Variants in MLLT1 observed in about 807,000 individuals in gnomAD.
MLLT1 encodes protein ENL.
MLLT1 carries 11 observed loss-of-function variants against 55.1 expected under a neutral mutation model. The ratio of observed to expected loss-of-function variants is 0.20; its 90% CI spans 0.13 to 0.33. The LOEUF (loss-of-function observed/expected upper bound fraction) is 0.33, where lower values mean the gene tolerates loss of function less well. MLLT1 is among the 10% of genes least tolerant of loss of function. The probability of loss-of-function intolerance (pLI) is 1.00; values close to 1 mark genes in which losing one functional copy is unlikely to be tolerated. For missense variants in MLLT1, 536 were observed against 760.6 expected (o/e 0.70, Z 3.47); for synonymous variants, 323 against 320.1 (o/e 1.01, Z -0.10).
Position 6,226,951 on chromosome 19 carries a change from G to T in MLLT1, c.546+26C>A. ...CACAGCTGGGCCCCGGCGCTCCCAC[G>T]CGACTGGGCCTTCCGCCTCACTAAC... On this transcript the variant is annotated intron_variant, in intron 5 of 11. Coordinates refer to ENST00000252674, the MANE Select transcript of MLLT1 (RefSeq NM_005934.4). This position sits in a 1 kb window ranked among gnomAD's most constrained non-coding sequence, Gnocchi z 6.3. 6.5e-7 allele frequency: 1 copy of T among 1,542,104 alleles called. No individual in the cohort carries two copies.
chr19:6,256,220 GATAA>G lies in MLLT1; in HGVS notation c.276+6004_276+6007del, dbSNP rs200816706. ...CAAGAGCGAAACTCTGTCTCAAAAA[GATAA>G]ATAAATAAATAAATAAATAAATAAA... On this transcript the variant is annotated intron_variant, in intron 3 of 11. Coordinates refer to ENST00000252674, the MANE Select transcript of MLLT1 (RefSeq NM_005934.4). The surrounding 1 kb of genome is among the most constrained non-coding windows in gnomAD (Gnocchi z 4.1). Among the ~76,000 whole-genome samples the G allele has an allele frequency of 0.01, 1,474 of 142,042 alleles. 14 individuals carry two copies. The highest frequency in any genetic ancestry group is 0.028 in the Middle Eastern group (8 of 284). The allele number at this position is 142,042 out of a possible 152,430, so 93.2% of individuals were successfully genotyped here. A position where few individuals can be genotyped will look rare whatever the true frequency, so the allele number is the denominator to read the frequency against.
chr19:6,234,091 GC>G (rs1445947070), intron 3 of MLLT1, among the ~76,000 whole-genome samples: 1 of 152,270 alleles, frequency 6.6e-6, no homozygotes, highest in African/African-American at 2.4e-5. Context: ...CTGTGGTGGG[GC>G]TGAAGGATGG....
intron 3 of MLLT1, among the ~76,000 whole-genome samples, chr19:6,253,989 A>G (rs893356654): frequency 3.3e-5 from 5 of 152,098 alleles, no homozygotes; most frequent in African/African-American, 1.2e-4. Context: ...GATCCTTGAA[A>G]TCTTGGAAGT....
At position 6,210,857 on chromosome 19, in the gene MLLT1, G is replaced by A. The variant is rs542223219; in HGVS notation, c.*2185C>T. On this transcript the variant is annotated 3_prime_UTR_variant, in exon 12 of 12. Coordinates refer to ENST00000252674, the MANE Select transcript of MLLT1 (RefSeq NM_005934.4). The surrounding 1 kb of genome is among the most constrained non-coding windows in gnomAD (Gnocchi z 4.6). ...CCCAGCACGTCCATCAGGTGGTCAC[G>A]GAGCCAGCCCTGGGCCCAGAGCAGC... 3.0e-5 allele frequency: 7 copies of A among 230,136 alleles called. No individual in the cohort carries two copies. The South Asian group carries it at 7.3e-4, about 24-fold the overall frequency. 14.3% of individuals were successfully genotyped at this position (230,136 alleles called of 1,614,324 possible). A position where few individuals can be genotyped will look rare whatever the true frequency, so the allele number is the denominator to read the frequency against.
At chr19:6,244,189 G>A (rs114615438) in intron 3 of MLLT1, among the ~76,000 whole-genome samples, 10 of 151,864 alleles carry the variant, frequency 6.6e-5, no homozygotes, top group African/African-American at 2.4e-4. Flanking sequence ...TTCCTCTCCC[G>A]TGTGTCTGCC....
intron 3 of MLLT1, among the ~76,000 whole-genome samples, chr19:6,245,085 A>T (rs2091154479): frequency 6.6e-6 from 1 of 152,168 alleles, no homozygotes; most frequent in African/African-American, 2.4e-5. Flanking sequence ...TCACGCCTAT[A>T]ATCTCAACAC....
chr19:6,262,297 G>C lies in MLLT1; in HGVS notation c.207C>G (p.Pro69=), dbSNP rs139530265. Residue 69 remains proline, a synonymous_variant, in exon 3 of 12, where the codon CCC becomes CCG. Coordinates refer to ENST00000252674, the MANE Select transcript of MLLT1 (RefSeq NM_005934.4). The surrounding 1 kb of genome is among the most constrained non-coding windows in gnomAD (Gnocchi z 4.4). ...ACCCCGACTCCTCTACTTTGTAGGG[G>C]GGCTCCTTGCACACTAAAAAGAAAA... is the stretch of plus-strand genomic sequence containing the variant. ...FPKPRRVCKE[P]PYKVEESGYA... is the part of the protein sequence containing the mutation. The C allele has an allele frequency of 9.3e-6, 15 of 1,613,586 alleles. No homozygotes were observed. The highest frequency in any genetic ancestry group is 1.3e-5 in the African/African-American group (1 of 74,866).
In MLLT1 at chr19:6,245,426, G is replaced by A. The variant is rs1320892944; in HGVS notation, c.277-14713C>T. 2.0e-5 allele frequency among the ~76,000 whole-genome samples: 3 copies of A among 151,704 alleles called. No homozygotes were observed. The South Asian group carries it at 6.2e-4, about 32-fold the overall frequency. ...GTTTTTTTAATAACTCACCGGATGTGAGGGCCGGGCACAGTGGCTCACGCC... is the reference window on the plus strand; with the variant it reads ...GTTTTTTTAATAACTCACCGGATGTAAGGGCCGGGCACAGTGGCTCACGCC... On this transcript the variant is annotated intron_variant, in intron 3 of 11. Coordinates refer to ENST00000252674, the MANE Select transcript of MLLT1 (RefSeq NM_005934.4).
In MLLT1 at chr19:6,212,542, G is replaced by A. The variant is rs2090787657; in HGVS notation, c.*500C>T. 2.8e-6 allele frequency: 3 copies of A among 1,079,944 alleles called. No homozygotes were observed. The highest frequency in any genetic ancestry group is 3.4e-6 in the Non-Finnish European group (3 of 889,710). The allele number at this position is 1,079,944 out of a possible 1,614,324, so 66.9% of individuals were successfully genotyped here. On this transcript the variant is annotated 3_prime_UTR_variant, in exon 12 of 12. Transcript: ENST00000252674. ...CCCCAGCGCAGCGCGAGCCGGGGAGGAGCCGGCGCTAGGTCTACACGGAGG... is the reference window on the plus strand; with the variant it reads ...CCCCAGCGCAGCGCGAGCCGGGGAGAAGCCGGCGCTAGGTCTACACGGAGG...
At chr19:6,233,332 C>G (rs1044152689) in intron 3 of MLLT1, among the ~76,000 whole-genome samples, 1 of 152,244 alleles carries the variant, frequency 6.6e-6, no homozygotes, top group African/African-American at 2.4e-5. Flanking sequence ...AACCACGAGT[C>G]CGGTCAGAGC....
At chr19:6,236,256 C>T (rs1343309233) in intron 3 of MLLT1, among the ~76,000 whole-genome samples, 4 of 152,180 alleles carry the variant, frequency 2.6e-5, no homozygotes, top group Non-Finnish European at 5.9e-5. Context: ...GTCTGCAGAG[C>T]GCTGATGGTG....
In MLLT1 at chr19:6,213,932, G is replaced by A. The variant is rs1323240062; in HGVS notation, c.1407+7C>T. 2.1e-6 allele frequency: 3 copies of A among 1,461,608 alleles called. No individual in the cohort carries two copies. The African/African-American group carries it at 4.3e-5, about 21-fold the overall frequency. 90.5% of individuals were successfully genotyped at this position (1,461,608 alleles called of 1,614,324 possible). A position where few individuals can be genotyped will look rare whatever the true frequency, so the allele number is the denominator to read the frequency against. On this transcript the variant is annotated splice_region_variant and intron_variant, in intron 9 of 11. Transcript: ENST00000252674. The stretch of plus-strand genomic sequence containing the variant: ...GTGCACCCCCTGCCTGCAGGCCCCA[G>A]GCTCACCTTGCTGTTGGGCGGGGGT...
At chr19:6,217,871 G>A (rs2090860091) in intron 7 of MLLT1, 83 bp downstream of exon 7, 1 of 1,512,020 alleles carries the variant, frequency 6.6e-7, no homozygotes, top group Non-Finnish European at 8.8e-7. Flanking sequence ...TGCAGGCAGT[G>A]GACGCTGAGG....
intron 7 of MLLT1, 60 bp downstream of exon 7, chr19:6,217,886 CCCATGTGG>C: frequency 6.5e-7 from 1 of 1,530,714 alleles, no homozygotes; most frequent in Non-Finnish European, 8.8e-7. Flanking sequence ...CTGAGGAATG[CCCATGTGG>C]CCTGAGCTCC....
Position 6,211,565 on chromosome 19 carries a change from T to G in MLLT1, c.*1477A>C. ...CTCATAGGCTGGGGAGGAGGAGACA[T>G]CTAGGTGGGTTCGAGGGGGTGCGAG... On this transcript the variant is annotated 3_prime_UTR_variant, in exon 12 of 12. Coordinates refer to ENST00000252674, the MANE Select transcript of MLLT1 (RefSeq NM_005934.4). The surrounding 1 kb of genome is among the most constrained non-coding windows in gnomAD (Gnocchi z 4.6). The G allele has an allele frequency of 9.5e-7, 1 of 1,055,968 alleles. No homozygotes were observed. The highest frequency in any genetic ancestry group is 1.1e-6 in the Non-Finnish European group (1 of 870,474). 65.4% of individuals were successfully genotyped at this position (1,055,968 alleles called of 1,614,324 possible). A position where few individuals can be genotyped will look rare whatever the true frequency, so the allele number is the denominator to read the frequency against.
intron 3 of MLLT1, among the ~76,000 whole-genome samples, chr19:6,232,623 G>A (rs191079918): frequency 1.0e-3 from 159 of 152,342 alleles, no homozygotes; most frequent in South Asian, 5.0e-3. Context: ...CCCAGGCATC[G>A]TGGTTTATGC....
Position 6,222,274 on chromosome 19 carries a change from G to A in MLLT1, c.957C>T (p.Ser319=), listed in dbSNP as rs146389152. The A allele has an allele frequency of 2.8e-5, 45 of 1,612,092 alleles. No homozygotes were observed. In the African/African-American group the frequency reaches 6.0e-4, roughly 22 times the overall value. The change falls in exon 6 of 12, where the codon TCC becomes TCT. Residue 319 remains serine (S), a synonymous_variant. Coordinates refer to ENST00000252674, the MANE Select transcript of MLLT1 (RefSeq NM_005934.4). This position sits in a 1 kb window ranked among gnomAD's most constrained non-coding sequence, Gnocchi z 4.1. ...TCTTGTCCGAGAAGGAGGAGGAGGA[G>A]GAGGTGCGGGGCGAGGTGCCTGGAG... ...RSAPGTSPRT[S]SSSSFSDKKP...
At chr19:6,220,122 G>A (rs928894253) in intron 6 of MLLT1, among the ~76,000 whole-genome samples, 5 of 152,244 alleles carry the variant, frequency 3.3e-5, no homozygotes, top group South Asian at 2.1e-4. Flanking sequence ...GTGGCCCTAC[G>A]AGGGTGGGCG....
At chr19:6,269,091 A>G (rs904673546) in intron 2 of MLLT1, among the ~76,000 whole-genome samples, 5 of 152,218 alleles carry the variant, frequency 3.3e-5, no homozygotes, top group Admixed American at 3.3e-4. Flanking sequence ...GGCCTGGTGC[A>G]GGAGGGGCAG....
Sources: gnomAD v4.1 joint callset for allele counts (sites outside exome capture counted in the v4.1 genomes callset) on GRCh38, gnomAD v4.1.1 for gene constraint, Gnocchi (gnomAD v3.1) non-coding constraint, MANE v1.5 for transcripts, NCBI Gene and HGNC (gene_info 2026-07-23, HGNC 2026-07-21) for gene names.